Variants in PKP3 observed in about 807,000 individuals in gnomAD.
The protein encoded by PKP3 is plakophilin 3.
PKP3 carries 66 observed loss-of-function variants against 76.5 expected under a neutral mutation model. That is an observed-to-expected ratio of 0.86 (90% CI 0.71 to 1.06). The LOEUF (loss-of-function observed/expected upper bound fraction) is 1.06, where lower values mean the gene tolerates loss of function less well. PKP3 is among the 50% of genes least tolerant of loss of function. The probability of loss-of-function intolerance (pLI) is 0.00; values close to 1 mark genes in which losing one functional copy is unlikely to be tolerated. For synonymous variants in PKP3, 638 were observed against 516.5 expected (o/e 1.24, Z -3.19); for missense variants, 1,338 against 1,141.0 (o/e 1.17, Z -2.49).
At chr11:393,065 G>GATCT (rs1564877019), upstream of PKP3, among the ~76,000 whole-genome samples, 6 of 151,910 alleles carry the variant, frequency 3.9e-5, no homozygotes. Flanking sequence ...GGTTGTCATA[G>GATCT]ATGTTCAGCT....
chr11:400,334 G>T lies in PKP3; in HGVS notation c.1449G>T (p.Arg483Ser). 1 of 1,547,998 alleles carries T rather than the reference G, an allele frequency of 6.5e-7. No individual in the cohort carries two copies. Among genetic ancestry groups the T allele is most frequent in the South Asian group, 1.2e-5 (1 of 83,884 alleles). Residue 483 changes from arginine to serine, a missense_variant and splice_region_variant, in exon 7 of 13, where the codon AGG (arginine) becomes AGT (serine). Coordinates refer to ENST00000331563, the MANE Select transcript of PKP3 (RefSeq NM_007183.4). ...EIFYNATGFLRNLSSASQATR... is the reference protein window; with the variant it reads ...EIFYNATGFLSNLSSASQATR... ...GGCTCTGATCCACCTCGGTCCCCAGGAACCTCAGCTCAGCCTCTCAGGCCA... is the reference window on the plus strand; with the variant it reads ...GGCTCTGATCCACCTCGGTCCCCAGTAACCTCAGCTCAGCCTCTCAGGCCA...
intron 1 of PKP3, among the ~76,000 whole-genome samples, chr11:395,386 G>C (rs1847031728): frequency 6.6e-6 from 1 of 152,178 alleles, no homozygotes; most frequent in Admixed American, 6.5e-5. Flanking sequence ...GGGAAGTGAA[G>C]GTCGCCCAGC....
Position 399,144 on chromosome 11 carries a change from G to T in PKP3, c.1221G>T (p.Glu407Asp). Residue 407 changes from glutamate (E) to aspartate (D), a missense_variant, in exon 5 of 13, where the codon GAG (glutamate) becomes GAT (aspartate). Transcript: ENST00000331563. Reference sequence around the variant, plus strand: ...TGGTGGAGGAGAACGGGATCTTCGAGCTGCTGCGGACACTGCGGGAGCAGG... The same window carrying T: ...TGGTGGAGGAGAACGGGATCTTCGATCTGCTGCGGACACTGCGGGAGCAGG... Reference protein sequence around the residue: ...LALVEENGIFELLRTLREQDD... With the variant: ...LALVEENGIFDLLRTLREQDD... 1 of 1,611,638 alleles carries T rather than the reference G, an allele frequency of 6.2e-7. No homozygotes were observed. Among genetic ancestry groups the T allele is most frequent in the Non-Finnish European group, 8.5e-7 (1 of 1,179,324 alleles).
In PKP3 at chr11:399,151, C is replaced by T. The variant is rs527877321; in HGVS notation, c.1228C>T (p.Arg410Trp). 37 of 1,610,796 alleles carry T rather than the reference C, an allele frequency of 2.3e-5. No homozygotes were observed. Among genetic ancestry groups the T allele is most frequent in the Middle Eastern group, 1.7e-4 (1 of 6,050 alleles). The change falls in exon 5 of 13, where the codon CGG (arginine) becomes TGG (tryptophan). Residue 410 changes from arginine to tryptophan, a missense_variant. Coordinates refer to ENST00000331563, the MANE Select transcript of PKP3 (RefSeq NM_007183.4). ...GGAGAACGGGATCTTCGAGCTGCTG[C>T]GGACACTGCGGGAGCAGGATGATGA... ...VEENGIFELLRTLREQDDELR... is the reference protein window; with the variant it reads ...VEENGIFELLWTLREQDDELR...
In PKP3 at chr11:399,245, C is replaced by T. The variant is rs919663325; in HGVS notation, c.1273+49C>T. 6 of 1,306,730 alleles carry T rather than the reference C, an allele frequency of 4.6e-6. No individual in the cohort carries two copies. In the Admixed American group the frequency reaches 1.4e-4, roughly 30 times the overall value. The allele number at this position is 1,306,730 out of a possible 1,614,324, so 80.9% of individuals were successfully genotyped here. A position where few individuals can be genotyped will look rare whatever the true frequency, so the allele number is the denominator to read the frequency against. On this transcript the variant is annotated intron_variant, in intron 5 of 12. Transcript: ENST00000331563. Reference sequence around the variant, plus strand: ...CTGTCCTTCCTCCACCTGCGCCCCTCTGCCTATCCCCCCTGCCTTCCTCCC... The same window carrying T: ...CTGTCCTTCCTCCACCTGCGCCCCTTTGCCTATCCCCCCTGCCTTCCTCCC...
In PKP3 at chr11:404,670, C is replaced by G; in HGVS notation, c.*101C>G. 8.3e-7 allele frequency: 1 copy of G among 1,206,240 alleles called. No individual in the cohort carries two copies. The highest frequency in any genetic ancestry group is 1.3e-5 in the South Asian group (1 of 79,638). 74.7% of individuals were successfully genotyped at this position (1,206,240 alleles called of 1,614,324 possible). A position where few individuals can be genotyped will look rare whatever the true frequency, so the allele number is the denominator to read the frequency against. On this transcript the variant is annotated 3_prime_UTR_variant, in exon 13 of 13. Transcript: ENST00000331563. The surrounding 1 kb of genome is among the most constrained non-coding windows in gnomAD (Gnocchi z 4.2). ...CCAGCCTGGAGGAGAAGGCTAATGA[C>G]GGAGGGGCCCCTCGCTGGGGCCCCT...
upstream of PKP3, chr11:392,729 C>G: frequency 8.0e-7 from 1 of 1,250,244 alleles, no homozygotes; most frequent in East Asian, 5.7e-5. Flanking sequence ...CACCCCTTCC[C>G]CACCACCCCG....
chr11:393,929 C>T (rs892069795), upstream of PKP3, among the ~76,000 whole-genome samples: 26 of 152,206 alleles, frequency 1.7e-4, no homozygotes, highest in African/African-American at 6.0e-4. Context: ...CCCCTCTGTC[C>T]CAGCCCCACG....
intron 1 of PKP3, among the ~76,000 whole-genome samples, chr11:395,365 C>T (rs1400873647): frequency 6.6e-6 from 1 of 152,194 alleles, no homozygotes; most frequent in African/African-American, 2.4e-5. Context: ...GGCCTCCAGC[C>T]ACTGGCCAGG....
Position 403,083 on chromosome 11 carries a change from C to T in PKP3, c.1743C>T (p.Pro581=). Reference sequence around the variant, plus strand: ...CTCCTCCCCGCCCTGCGCAGCTGCCCCTCGCCGCCGATGCGCTCACCTTCG... The same window carrying T: ...CTCCTCCCCGCCCTGCGCAGCTGCCTCTCGCCGCCGATGCGCTCACCTTCG... ...TPQSRRLREL[P]LAADALTFAE... Residue 581 remains proline (P), a synonymous_variant, in exon 9 of 13, where the codon CCC becomes CCT. Transcript: ENST00000331563. 2 of 1,505,430 alleles carry T rather than the reference C, an allele frequency of 1.3e-6. No homozygotes were observed. The highest frequency in any genetic ancestry group is 8.9e-7 in the Non-Finnish European group (1 of 1,128,646). The allele number at this position is 1,505,430 out of a possible 1,614,324, so 93.3% of individuals were successfully genotyped here. A position where few individuals can be genotyped will look rare whatever the true frequency, so the allele number is the denominator to read the frequency against.
At position 403,668 on chromosome 11, in the gene PKP3, C is replaced by G. The variant is rs545111533; in HGVS notation, c.1974C>G (p.Asn658Lys). ...RLALEQERIL[N>K]PLLDRVRTAD... is the part of the protein sequence containing the mutation. The stretch of plus-strand genomic sequence containing the variant: ...CCCTGGAGCAGGAGCGTATTCTGAA[C>G]CCCCTGCTAGACCGTGTCAGGACCG... Residue 658 changes from asparagine to lysine, a missense_variant, in exon 10 of 13, where the codon AAC becomes AAG. Transcript: ENST00000331563. 5.0e-6 allele frequency: 8 copies of G among 1,610,036 alleles called. No individual in the cohort carries two copies. Among genetic ancestry groups the G allele is most frequent in the Middle Eastern group, 3.3e-4 (2 of 6,082 alleles).
Position 394,328 on chromosome 11 carries a change from G to A in PKP3, c.36G>A (p.Gln12=). 6.6e-7 allele frequency: 1 copy of A among 1,514,626 alleles called. No homozygotes were observed. Among genetic ancestry groups the A allele is most frequent in the South Asian group, 1.2e-5 (1 of 82,610 alleles). 93.8% of individuals were successfully genotyped at this position (1,514,626 alleles called of 1,614,324 possible). A position where few individuals can be genotyped will look rare whatever the true frequency, so the allele number is the denominator to read the frequency against. The stretch of plus-strand genomic sequence containing the variant: ...GTAACTTCCTGCTGTCGGCCCTGCA[G>A]CCTGAGGCCGGCGTGTGCTCCCTGG... ...QDGNFLLSAL[Q]PEAGVCSLAL... The change falls in exon 1 of 13, where the codon CAG becomes CAA. Residue 12 remains glutamine (Q), a synonymous_variant. Transcript: ENST00000331563.
upstream of PKP3, among the ~76,000 whole-genome samples, chr11:393,221 C>A (rs10902156): frequency 0.21 from 32,189 of 151,546 alleles, 4,222 homozygotes; most frequent in East Asian, 0.55. Flanking sequence ...CAGGGCCCCC[C>A]CACCAGGGGC....
At chr11:403,322 A>C in intron 9 of PKP3, 59 bp downstream of exon 9, 2 of 1,092,304 alleles carry the variant, frequency 1.8e-6, no homozygotes, top group Non-Finnish European at 1.3e-6. Context: ...TGAGGGGGGG[A>C]CAGAGGAGGG....
In PKP3 at chr11:400,660, A is replaced by G; in HGVS notation, c.1692A>G (p.Gly564=). The change falls in exon 8 of 13, where the codon GGA becomes GGG. Residue 564 remains glycine, a synonymous_variant. Transcript: ENST00000331563. The part of the protein sequence containing the change: ...GRRDLAGAPP[G]EVVGCFTPQS... ...GGGACCTGGCGGGGGCGCCGCCGGG[A>G]GAGGTCGTGGGCTGCTTCACGCCGC... is the stretch of plus-strand genomic sequence containing the variant. The G allele has an allele frequency of 7.4e-7, 1 of 1,357,806 alleles. No homozygotes were observed. The highest frequency in any genetic ancestry group is 1.7e-5 in the South Asian group (1 of 60,336). 84.1% of individuals were successfully genotyped at this position (1,357,806 alleles called of 1,614,324 possible).
In PKP3 at chr11:397,311, C is replaced by A; in HGVS notation, c.810C>A (p.Ala270=). The A allele has an allele frequency of 6.3e-7, 1 of 1,590,706 alleles. No individual in the cohort carries two copies. The highest frequency in any genetic ancestry group is 1.3e-5 in the African/African-American group (1 of 74,572). The change falls in exon 3 of 13, where the codon GCC becomes GCA. Residue 270 remains alanine, a synonymous_variant. Transcript: ENST00000331563. ...GGGTAGGCGGGGCAGTGCCGGGGGC[C>A]GTCCTGGAGCCAGTGGCTCGAGCGC... The part of the protein sequence containing the change: ...SRGVGGAVPG[A]VLEPVARAPS...
chr11:393,206 T>G (rs1234738485), upstream of PKP3, among the ~76,000 whole-genome samples: 1 of 151,688 alleles, frequency 6.6e-6, no homozygotes, highest in Non-Finnish European at 1.5e-5. Context: ...AAGCCCTGCT[T>G]GGTCCAGGGC....
Position 399,132 on chromosome 11 carries a change from C to A in PKP3, c.1209C>A (p.Asn403Lys). 3 of 1,611,894 alleles carry A rather than the reference C, an allele frequency of 1.9e-6. No homozygotes were observed. The highest frequency in any genetic ancestry group is 2.5e-6 in the Non-Finnish European group (3 of 1,179,408). ...ACAAGCTGGCCCTGGTGGAGGAGAA[C>A]GGGATCTTCGAGCTGCTGCGGACAC... ...ADNKLALVEE[N>K]GIFELLRTLR... Residue 403 changes from asparagine (N) to lysine (K), a missense_variant, in exon 5 of 13, where the codon AAC (asparagine) becomes AAA (lysine). Coordinates refer to ENST00000331563, the MANE Select transcript of PKP3 (RefSeq NM_007183.4).
At chr11:400,780 C>T in intron 8 of PKP3, 75 bp downstream of exon 8, 1 of 817,654 alleles carries the variant, frequency 1.2e-6, no homozygotes, top group Admixed American at 5.5e-5. Flanking sequence ...CCGCTCACCC[C>T]CGCCCCGCTC....
Sources: allele counts gnomAD v4.1 joint callset (sites outside exome capture counted in the v4.1 genomes callset), GRCh38; gene constraint gnomAD v4.1.1; non-coding constraint Gnocchi (gnomAD v3.1); transcripts MANE v1.5; gene names NCBI Gene and HGNC (gene_info 2026-07-23, HGNC 2026-07-21).